CWC27: variants seen among roughly 807,000 people sequenced by gnomAD.
The protein encoded by CWC27 is spliceosome-associated protein CWC27 homolog.
A neutral mutation model predicts 63.6 loss-of-function variants in CWC27; 47 were observed. The observed-to-expected ratio is 0.74, with a 90% CI of 0.58 to 0.94. The LOEUF is 0.94. CWC27 is among the 40% of genes least tolerant of loss of function. The probability of loss-of-function intolerance (pLI) is 0.00; values close to 1 mark genes in which losing one functional copy is unlikely to be tolerated. For missense variants in CWC27, 495 were observed against 554.3 expected (o/e 0.89, Z 1.07); for synonymous variants, 175 against 179.8 (o/e 0.97, Z 0.22).
intron 11 of CWC27, among the ~76,000 whole-genome samples, chr5:64,913,333 T>G (rs1747828030): frequency 1.3e-5 from 2 of 152,068 alleles, no homozygotes; most frequent in African/African-American, 4.8e-5. Flanking sequence ...TAACCTCTTT[T>G]ATTCAACATT....
chr5:64,823,439 A>T (rs1745269803), intron 10 of CWC27, among the ~76,000 whole-genome samples: 1 of 152,182 alleles, frequency 6.6e-6, no homozygotes, highest in South Asian at 2.1e-4. Flanking sequence ...GTTCCAATGA[A>T]GTAGAATTGA....
intron 11 of CWC27, among the ~76,000 whole-genome samples, chr5:64,887,572 T>C (rs1468578238): frequency 2.0e-5 from 3 of 152,146 alleles, no homozygotes; most frequent in Non-Finnish European, 4.4e-5. Context: ...TTCACCATGT[T>C]GATCAGGCTG....
At chr5:64,840,644 C>T (rs889090098) in intron 10 of CWC27, among the ~76,000 whole-genome samples, 2 of 151,496 alleles carry the variant, frequency 1.3e-5, no homozygotes, top group South Asian at 4.2e-4. Context: ...AGTAAGTAGA[C>T]AGTAGTCAAA....
At chr5:64,845,757 A>G (rs975910087) in intron 10 of CWC27, among the ~76,000 whole-genome samples, 1 of 152,202 alleles carries the variant, frequency 6.6e-6, no homozygotes, top group Non-Finnish European at 1.5e-5. Context: ...CAAGAGTTCA[A>G]ACCTTTGCAT....
chr5:64,888,545 ATAT>A (rs1447576977), intron 11 of CWC27, among the ~76,000 whole-genome samples: 2 of 147,780 alleles, frequency 1.4e-5, no homozygotes, highest in East Asian at 3.9e-4. Context: ...ACATGTCAAC[ATAT>A]TATATAAAAT....
At chr5:64,888,637 T>G (rs1747137770) in intron 11 of CWC27, among the ~76,000 whole-genome samples, 1 of 150,954 alleles carries the variant, frequency 6.6e-6, no homozygotes, top group African/African-American at 2.4e-5. Context: ...GAAGTAAGGA[T>G]GTAAATAACA....
intron 13 of CWC27, among the ~76,000 whole-genome samples, chr5:64,977,465 T>C (rs1041651709): frequency 1.3e-5 from 2 of 152,226 alleles, no homozygotes; most frequent in African/African-American, 4.8e-5. Context: ...TGTCCGGCAT[T>C]GTGCTAGTCA....
intron 13 of CWC27, among the ~76,000 whole-genome samples, chr5:64,986,146 T>A: frequency 6.6e-6 from 1 of 152,194 alleles, no homozygotes; most frequent in East Asian, 1.9e-4. Context: ...GATTGTAAGT[T>A]TCCTGAGGCC....
intron 10 of CWC27, among the ~76,000 whole-genome samples, chr5:64,818,085 A>G (rs952663440): frequency 9.9e-5 from 15 of 152,036 alleles, no homozygotes; most frequent in African/African-American, 3.6e-4. Flanking sequence ...ATCTTATTTT[A>G]AAAGTCTAAA....
chr5:64,864,641 C>T (rs149653516), intron 10 of CWC27, among the ~76,000 whole-genome samples: 1,998 of 152,014 alleles, frequency 0.013, 8 homozygotes, highest in Non-Finnish European at 0.021. Flanking sequence ...TATAAATTTC[C>T]GAATTAGGAT....
At chr5:64,986,706 C>T (rs1749438595) in intron 13 of CWC27, among the ~76,000 whole-genome samples, 1 of 152,058 alleles carries the variant, frequency 6.6e-6, no homozygotes, top group Non-Finnish European at 1.5e-5. Context: ...ACTGGGCCCC[C>T]AGGAGTTTCT....
chr5:64,963,248 C>T (rs1040043746), intron 11 of CWC27, among the ~76,000 whole-genome samples: 1 of 151,928 alleles, frequency 6.6e-6, no homozygotes, highest in African/African-American at 2.4e-5. Context: ...AGGCATGAGC[C>T]ACCATGCCTG....
At chr5:64,868,478 C>T (rs186616098) in intron 10 of CWC27, among the ~76,000 whole-genome samples, 12 of 152,138 alleles carry the variant, frequency 7.9e-5, no homozygotes, top group Admixed American at 5.9e-4. Flanking sequence ...GACTTACATA[C>T]GTAACATTGT....
At chr5:64,807,551 C>T (rs1292146558) in intron 10 of CWC27, 3 of 1,482,820 alleles carry the variant, frequency 2.0e-6, no homozygotes, top group South Asian at 2.7e-5. Context: ...ATTTCTAATC[C>T]CTTGTCTCTT....
intron 10 of CWC27, among the ~76,000 whole-genome samples, chr5:64,823,753 C>T (rs1205261789): frequency 2.6e-5 from 4 of 152,118 alleles, no homozygotes; most frequent in South Asian, 2.1e-4. Context: ...CCTGAAGGTG[C>T]GTTTTAAGGC....
At chr5:64,999,002 A>G (rs1367896265) in intron 13 of CWC27, among the ~76,000 whole-genome samples, 1 of 149,838 alleles carries the variant, frequency 6.7e-6, no homozygotes, top group East Asian at 2.0e-4. Flanking sequence ...GGCCTTTTCT[A>G]TTACTCAAAG....
At chr5:64,862,318 T>A (rs1580683663) in intron 10 of CWC27, among the ~76,000 whole-genome samples, 1 of 152,194 alleles carries the variant, frequency 6.6e-6, no homozygotes, top group Non-Finnish European at 1.5e-5. Context: ...TTTTATCTTA[T>A]TAAAAATAAT....
chr5:65,004,861 C>CATATATATATATATATAT (rs1170127729), intron 13 of CWC27, among the ~76,000 whole-genome samples: 3 of 45,468 alleles, frequency 6.6e-5, no homozygotes, highest in Non-Finnish European at 1.2e-4. Context: ...AAGACTTTTT[C>CATATATATATATATATAT]ATATATATAT....
intron 13 of CWC27, among the ~76,000 whole-genome samples, chr5:64,987,567 G>A (rs1749459988): frequency 6.6e-6 from 1 of 152,060 alleles, no homozygotes; most frequent in Non-Finnish European, 1.5e-5. Context: ...GTTTCCTTCT[G>A]GTATTATTTC....
Sources: gnomAD v4.1 joint callset for allele counts (sites outside exome capture counted in the v4.1 genomes callset) on GRCh38, gnomAD v4.1.1 for gene constraint, MANE v1.5 for transcripts, NCBI Gene and HGNC (gene_info 2026-07-23, HGNC 2026-07-21) for gene names.